Variants in PURG observed in about 807,000 individuals in gnomAD.
The protein encoded by PURG is purine-rich element-binding protein gamma.
PURG carries 3 observed loss-of-function variants against 24.3 expected under a neutral mutation model. The ratio of observed to expected loss-of-function variants is 0.12; its 90% CI spans 0.06 to 0.32. The LOEUF (loss-of-function observed/expected upper bound fraction) is 0.32. Ranked by LOEUF, PURG falls within the 10% of genes least tolerant of loss-of-function variation. PURG has a pLI of 1.00. For missense variants in PURG, 371 were observed against 439.1 expected (o/e 0.84, Z 1.39); for synonymous variants, 180 against 173.1 (o/e 1.04, Z -0.31).
At chr8:31,014,564 T>C (rs1457771106) in intron 1 of PURG, among the ~76,000 whole-genome samples, 1 of 152,232 alleles carries the variant, frequency 6.6e-6, no homozygotes, top group Non-Finnish European at 1.5e-5. Flanking sequence ...TACATTTTTA[T>C]TTTTTACCTA....
chr8:31,007,395 AT>A (rs999649543), intron 1 of PURG, among the ~76,000 whole-genome samples: 1 of 152,084 alleles, frequency 6.6e-6, no homozygotes, highest in African/African-American at 2.4e-5. Context: ...TTAAAAAGCT[AT>A]TTTTTTCAGA....
chr8:31,006,934 T>C (rs531029938), intron 1 of PURG, among the ~76,000 whole-genome samples: 11 of 152,254 alleles, frequency 7.2e-5, no homozygotes, highest in African/African-American at 2.6e-4. Context: ...GCTCTGAAAC[T>C]CCCAAGCCAC....
chr8:31,028,249 A>G (rs1337853940), downstream of PURG, among the ~76,000 whole-genome samples: 3 of 151,782 alleles, frequency 2.0e-5, no homozygotes, highest in African/African-American at 7.2e-5. Flanking sequence ...TGTTAAATAT[A>G]CTGGGATTTG....
chr8:31,012,837 A>G (rs1810789536), intron 1 of PURG, among the ~76,000 whole-genome samples: 1 of 152,246 alleles, frequency 6.6e-6, no homozygotes, highest in Admixed American at 6.5e-5. Flanking sequence ...AGGATTTTTT[A>G]AAACAAATTT....
intron 1 of PURG, among the ~76,000 whole-genome samples, chr8:31,024,543 G>T (rs544420139): frequency 7.2e-5 from 11 of 152,032 alleles, no homozygotes; most frequent in African/African-American, 2.7e-4. Context: ...GATGAATTTC[G>T]TTACAGACAA....
At chr8:31,014,281 G>T (rs1585359563) in intron 1 of PURG, among the ~76,000 whole-genome samples, 1 of 152,230 alleles carries the variant, frequency 6.6e-6, no homozygotes, top group East Asian at 1.9e-4. Flanking sequence ...AAATAATTTA[G>T]GCCAAGAAAA....
intron 1 of PURG, among the ~76,000 whole-genome samples, chr8:31,020,014 T>C (rs1319508621): frequency 6.6e-6 from 1 of 151,752 alleles, no homozygotes; most frequent in Non-Finnish European, 1.5e-5. Context: ...CTACCAAGAA[T>C]ACAAAAATTA....
intron 1 of PURG, among the ~76,000 whole-genome samples, chr8:31,023,863 G>A (rs960620677): frequency 2.0e-5 from 3 of 152,140 alleles, no homozygotes; most frequent in African/African-American, 4.8e-5. Flanking sequence ...GACAGCTGCA[G>A]TATTATTTGG....
intron 1 of PURG, among the ~76,000 whole-genome samples, chr8:31,006,856 C>T (rs559822188): frequency 6.6e-6 from 1 of 152,294 alleles, no homozygotes; most frequent in African/African-American, 2.4e-5. Context: ...TGTCTTCTAA[C>T]TCAACATTAC....
At chr8:31,015,911 G>A (rs1219059164) in intron 1 of PURG, among the ~76,000 whole-genome samples, 1 of 152,110 alleles carries the variant, frequency 6.6e-6, no homozygotes, top group Admixed American at 6.6e-5. Flanking sequence ...AAATTCGCCA[G>A]GCATGGTGGC....
At chr8:31,019,608 C>T (rs1247314725) in intron 1 of PURG, among the ~76,000 whole-genome samples, 2 of 151,270 alleles carry the variant, frequency 1.3e-5, no homozygotes, top group African/African-American at 4.8e-5. Flanking sequence ...GTTGGGATTA[C>T]AGGTGTGAGC....
In PURG at chr8:31,023,096, C is replaced by T. The variant is rs533231860; in HGVS notation, c.864+8823G>A. ...TCAAATCCCACTTAGATTTCAAACA[C>T]CACTGAAAAAGAAGCAATCAAGGAT... On this transcript the variant is annotated intron_variant, in intron 1 of 1. Coordinates refer to the PURG transcript ENST00000339382. Among the ~76,000 whole-genome samples, 4 of 152,156 alleles carry T rather than the reference C, an allele frequency of 2.6e-5. No individual in the cohort carries two copies. The South Asian group carries it at 8.3e-4, about 32-fold the overall frequency.
intron 1 of PURG, among the ~76,000 whole-genome samples, chr8:31,000,957 A>G (rs1172514953): frequency 6.6e-6 from 1 of 152,202 alleles, no homozygotes; most frequent in Non-Finnish European, 1.5e-5. Flanking sequence ...AAACCTTCCT[A>G]CAGTTTCTGA....
intron 1 of PURG, among the ~76,000 whole-genome samples, chr8:31,003,820 T>C (rs996719345): frequency 1.8e-4 from 27 of 152,054 alleles, no homozygotes; most frequent in Admixed American, 1.6e-3. Context: ...TTTGTAAAAG[T>C]AAGAAAGTGG....
chr8:31,020,907 CA>C (rs1810977899), intron 1 of PURG, among the ~76,000 whole-genome samples: 1 of 152,186 alleles, frequency 6.6e-6, no homozygotes, highest in South Asian at 2.1e-4. Flanking sequence ...GTCTTCTCCC[CA>C]CCTCACCAGT....
At chr8:31,014,132 T>A (rs1355369769) in intron 1 of PURG, among the ~76,000 whole-genome samples, 1 of 152,228 alleles carries the variant, frequency 6.6e-6, no homozygotes, top group Non-Finnish European at 1.5e-5. Context: ...TATGGAATTA[T>A]TTAAAATGGT....
intron 1 of PURG, chr8:30,996,702 A>G (rs1335375359): frequency 1.3e-6 from 2 of 1,597,904 alleles, no homozygotes; most frequent in Non-Finnish European, 1.7e-6. Flanking sequence ...TGTGAGCTAA[A>G]GAAAAAATAT....
intron 1 of PURG, among the ~76,000 whole-genome samples, chr8:31,007,472 ACTC>A (rs1810676300): frequency 6.6e-6 from 1 of 152,036 alleles, no homozygotes; most frequent in South Asian, 2.1e-4. Flanking sequence ...AGGTGAGAAA[ACTC>A]TTCGAGTTGA....
intron 1 of PURG, among the ~76,000 whole-genome samples, chr8:31,010,380 C>T (rs2725378): frequency 0.039 from 5,931 of 152,144 alleles, 344 homozygotes; most frequent in African/African-American, 0.13. Context: ...AGGCTGAGGT[C>T]GGCAAGCAGC....
Sources: gnomAD v4.1 joint callset for allele counts (sites outside exome capture counted in the v4.1 genomes callset) on GRCh38, gnomAD v4.1.1 for gene constraint, MANE v1.5 for transcripts, NCBI Gene and HGNC (gene_info 2026-07-23, HGNC 2026-07-21) for gene names.